Variants in NSMCE4A observed in about 807,000 individuals in gnomAD.
NSMCE4A encodes non-structural maintenance of chromosomes element 4 homolog A.
In NSMCE4A, 40 loss-of-function variants were observed where a neutral mutation model predicts 47.9. That is an observed-to-expected ratio of 0.83 (90% CI 0.65 to 1.09). The LOEUF (loss-of-function observed/expected upper bound fraction) is 1.09, where lower values mean the gene tolerates loss of function less well. Ranked by LOEUF, NSMCE4A falls within the 50% of genes least tolerant of loss-of-function variation. The probability of loss-of-function intolerance (pLI) is 0.00; values close to 1 mark genes in which losing one functional copy is unlikely to be tolerated. For missense variants in NSMCE4A, 500 were observed against 507.0 expected (o/e 0.99, Z 0.13); for synonymous variants, 166 against 178.5 (o/e 0.93, Z 0.56).
At chr10:121,959,035 G>C (rs1052145010) in intron 10 of NSMCE4A, among the ~76,000 whole-genome samples, 1 of 152,080 alleles carries the variant, frequency 6.6e-6, no homozygotes, top group African/African-American at 2.4e-5. Context: ...GGCTGATCTC[G>C]AACTCCTGAC....
Position 121,959,421 on chromosome 10 carries a change from A to G in NSMCE4A, c.1084-11T>C. 1 of 1,614,172 alleles carries G rather than the reference A, an allele frequency of 6.2e-7. No homozygotes were observed. Among genetic ancestry groups the G allele is most frequent in the South Asian group, 1.1e-5 (1 of 91,082 alleles). On this transcript the variant is annotated splice_polypyrimidine_tract_variant and intron_variant, in intron 9 of 10. Transcript: ENST00000369023. ...GGTCTTCACAATCTCCTGGCAGACA[A>G]TAATGAACATTTAGGCACTGGGCTT...
At position 121,974,608 on chromosome 10, in the gene NSMCE4A, G is replaced by A. The variant is rs1019773936; in HGVS notation, c.292+266C>T. On this transcript the variant is annotated intron_variant, in intron 1 of 10. Transcript: ENST00000369023. ...CTCTCCCCACTGGCTGGCTGGGCTCGGGCGAGTCCGCGAACGGCTCTGGCC... is the reference window on the plus strand; with the variant it reads ...CTCTCCCCACTGGCTGGCTGGGCTCAGGCGAGTCCGCGAACGGCTCTGGCC... 9.5e-6 allele frequency: 10 copies of A among 1,054,646 alleles called. No homozygotes were observed. The East Asian group carries it at 6.2e-4, about 65-fold the overall frequency. The allele number at this position is 1,054,646 out of a possible 1,614,324, so 65.3% of individuals were successfully genotyped here. A position where few individuals can be genotyped will look rare whatever the true frequency, so the allele number is the denominator to read the frequency against.
chr10:121,973,213 G>A (rs1952749453), intron 2 of NSMCE4A, among the ~76,000 whole-genome samples: 1 of 143,882 alleles, frequency 7.0e-6, no homozygotes, highest in Admixed American at 6.8e-5. Context: ...TCCAGCCTGG[G>A]CAACAGAGAC....
At chr10:121,974,104 T>G in intron 1 of NSMCE4A, 23 bp from the exon 2 acceptor site, 1 of 1,567,854 alleles carries the variant, frequency 6.4e-7, no homozygotes, top group East Asian at 2.3e-5. Flanking sequence ...ATACAAACTT[T>G]GGGAAATTTG....
rs769856609 is a variant in NSMCE4A, at chr10:121,965,359, G to A, written c.680C>T (p.Pro227Leu). 1 of 1,613,866 alleles carries A rather than the reference G, an allele frequency of 6.2e-7. No individual in the cohort carries two copies. The highest frequency in any genetic ancestry group is 8.5e-7 in the Non-Finnish European group (1 of 1,179,850). The change falls in exon 5 of 11, where the codon CCT becomes CTT. Residue 227 changes from proline to leucine, a missense_variant. Coordinates refer to ENST00000369023, the MANE Select transcript of NSMCE4A (RefSeq NM_017615.3). ...ACGATCAACTCGTGGCTTTGGCACA[G>A]GGCACTCTCCGTATATTGAACCCAA... is the stretch of plus-strand genomic sequence containing the variant. ...FLLGSIYGEC[P>L]VPKPRVDRPR...
chr10:121,974,931 GGTCGGC>G lies in NSMCE4A; in HGVS notation c.229_234del (p.Ala77_Asp78del). The G allele has an allele frequency of 6.5e-7, 1 of 1,534,730 alleles. No homozygotes were observed. ...TGGCGGATCTGGCGGCACAGGCCTT[GGTCGGC>G]CTCCGCCTCCAAGCTGGCCGGGTCC... On this transcript the variant is annotated inframe_deletion, in exon 1 of 11. Transcript: ENST00000369023.
At position 121,960,481 on chromosome 10, in the gene NSMCE4A, T is replaced by C; in HGVS notation, c.940-75A>G. ...CCTATACGCACTAGATGGAAAAAAT[T>C]ACTCAGAAAATTCAGTATCTCAGAA... On this transcript the variant is annotated intron_variant, in intron 7 of 10. Coordinates refer to ENST00000369023, the MANE Select transcript of NSMCE4A (RefSeq NM_017615.3). This position sits in a 1 kb window ranked among gnomAD's most constrained non-coding sequence, Gnocchi z 4.2. 3 of 1,082,576 alleles carry C rather than the reference T, an allele frequency of 2.8e-6. No homozygotes were observed. The highest frequency in any genetic ancestry group is 1.3e-6 in the Non-Finnish European group (1 of 766,174). 67.1% of individuals were successfully genotyped at this position (1,082,576 alleles called of 1,614,324 possible). A position where few individuals can be genotyped will look rare whatever the true frequency, so the allele number is the denominator to read the frequency against.
intron 5 of NSMCE4A, among the ~76,000 whole-genome samples, chr10:121,964,035 G>T (rs1019597934): frequency 7.0e-6 from 1 of 143,388 alleles, no homozygotes; most frequent in Admixed American, 7.0e-5. Context: ...GGCGGAGGTT[G>T]CAGTGAGCCG....
rs1284249340 is a variant in NSMCE4A, at chr10:121,964,108, G to A, written c.754-780C>T. Reference sequence around the variant, plus strand: ...AAGACTCTGTCTCAAAAAAAATTATGGTTTAAAAAAAAACAGATTTTCTGG... The same window carrying A: ...AAGACTCTGTCTCAAAAAAAATTATAGTTTAAAAAAAAACAGATTTTCTGG... On this transcript the variant is annotated intron_variant, in intron 5 of 10. Coordinates refer to ENST00000369023, the MANE Select transcript of NSMCE4A (RefSeq NM_017615.3). Among the ~76,000 whole-genome samples, 5 of 63,598 alleles carry A rather than the reference G, an allele frequency of 7.9e-5. No homozygotes were observed. The Admixed American group carries it at 8.3e-4, about 11-fold the overall frequency. 41.7% of individuals were successfully genotyped at this position (63,598 alleles called of 152,430 possible).
chr10:121,972,682 A>G (rs2134788650), intron 2 of NSMCE4A, among the ~76,000 whole-genome samples: 1 of 152,288 alleles, frequency 6.6e-6, no homozygotes, highest in Non-Finnish European at 1.5e-5. Context: ...CAAGACTAAC[A>G]GTAAGGAGAC....
intron 3 of NSMCE4A, among the ~76,000 whole-genome samples, chr10:121,969,986 G>T (rs1448761942): frequency 1.3e-5 from 2 of 152,112 alleles, no homozygotes; most frequent in Non-Finnish European, 2.9e-5. Flanking sequence ...AAAGTGCTGG[G>T]ATTACAGGCG....
rs1374976160 is a variant in NSMCE4A at position 121,963,221 on chromosome 10, AATGGTGTTACACTTACG to A, written c.844_844+16del. 1 of 1,511,780 alleles carries A rather than the reference AATGGTGTTACACTTACG, an allele frequency of 6.6e-7. No homozygotes were observed. The highest frequency in any genetic ancestry group is 1.4e-5 in the African/African-American group (1 of 72,848). 93.6% of individuals were successfully genotyped at this position (1,511,780 alleles called of 1,614,324 possible). The stretch of plus-strand genomic sequence containing the variant: ...GATAAATACAAATTGCTCCACTTTG[AATGGTGTTACACTTACG>A]ATCTTCTCGAAAATATGTCTGCAAC... On this transcript the variant is annotated splice_donor_variant and splice_donor_5th_base_variant and coding_sequence_variant and intron_variant, in exon 6 of 11. Coordinates refer to ENST00000369023, the MANE Select transcript of NSMCE4A (RefSeq NM_017615.3). LOFTEE classifies it high-confidence loss of function.
At chr10:121,971,957 G>C (rs942116788) in intron 2 of NSMCE4A, among the ~76,000 whole-genome samples, 2 of 152,060 alleles carry the variant, frequency 1.3e-5, no homozygotes, top group African/African-American at 4.8e-5. Context: ...ACCCGAGGAC[G>C]GATACTCAAA....
Position 121,972,138 on chromosome 10 carries a change from G to A in NSMCE4A, c.371-1069C>T, listed in dbSNP as rs73366464. 6.0e-3 allele frequency among the ~76,000 whole-genome samples: 920 copies of A among 152,180 alleles called. 12 individuals carry two copies. Among genetic ancestry groups the A allele is most frequent in the African/African-American group, 0.021 (869 of 41,530 alleles). ...AAAGTTTGAGACCAGCCTGGGCAAC[G>A]TGGTGAAACCCCATCTCTACTAAAG... On this transcript the variant is annotated intron_variant, in intron 2 of 10. Coordinates refer to ENST00000369023, the MANE Select transcript of NSMCE4A (RefSeq NM_017615.3).
At chr10:121,971,103 A>G (rs774027496) in intron 2 of NSMCE4A, 34 bp from the exon 3 acceptor site, 1 of 1,590,986 alleles carries the variant, frequency 6.3e-7, no homozygotes, top group Non-Finnish European at 8.6e-7. Context: ...TTCACATTAC[A>G]AAATACACAT....
intron 3 of NSMCE4A, among the ~76,000 whole-genome samples, chr10:121,969,668 C>CAGCT (rs1346177681): frequency 5.3e-5 from 8 of 152,274 alleles, no homozygotes; most frequent in African/African-American, 1.7e-4. Flanking sequence ...TACTGAGGTG[C>CAGCT]AGCTATCTGT....
At chr10:121,974,680 C>T (rs914450442) in intron 1 of NSMCE4A, 194 bp downstream of exon 1, 1 of 1,104,834 alleles carries the variant, frequency 9.1e-7, no homozygotes, top group Non-Finnish European at 1.1e-6. Context: ...CAAGGTCGTA[C>T]GGCTCCAGCC....
At chr10:121,970,476 GAAAA>G (rs57421744) in intron 3 of NSMCE4A, among the ~76,000 whole-genome samples, 54 of 101,918 alleles carry the variant, frequency 5.3e-4, no homozygotes, top group Non-Finnish European at 9.1e-4. Flanking sequence ...TGTCTCAAAG[GAAAA>G]AAAAAAAAAA....
At chr10:121,964,633 G>T (rs997966707) in intron 5 of NSMCE4A, among the ~76,000 whole-genome samples, 4 of 149,996 alleles carry the variant, frequency 2.7e-5, no homozygotes, top group African/African-American at 9.9e-5. Flanking sequence ...GTAGAGACGG[G>T]GTTTCCCCGT....
Sources: gnomAD v4.1 joint callset for allele counts (sites outside exome capture counted in the v4.1 genomes callset) on GRCh38, gnomAD v4.1.1 for gene constraint, Gnocchi (gnomAD v3.1) non-coding constraint, MANE v1.5 for transcripts, NCBI Gene and HGNC (gene_info 2026-07-23, HGNC 2026-07-21) for gene names.